DGKI: variants seen among roughly 807,000 people sequenced by gnomAD.
DGKI encodes the protein diacylglycerol kinase iota.
In DGKI, 55 loss-of-function variants were observed where a neutral mutation model predicts 147.5. The observed-to-expected ratio is 0.37, with a 90% CI of 0.30 to 0.47. The LOEUF is 0.47. Ranked by LOEUF, DGKI falls within the 20% of genes least tolerant of loss-of-function variation. The probability of loss-of-function intolerance (pLI) is 1.00; values close to 1 mark genes in which losing one functional copy is unlikely to be tolerated. For synonymous variants in DGKI, 469 were observed against 477.1 expected (o/e 0.98, Z 0.22); for missense variants, 1,007 against 1,323.8 (o/e 0.76, Z 3.71).
chr7:137,675,165 C>CT (rs1453195671), intron 3 of DGKI, among the ~76,000 whole-genome samples: 1 of 152,178 alleles, frequency 6.6e-6, no homozygotes, highest in African/African-American at 2.4e-5. Context: ...CTGGAGATCT[C>CT]TGTGACCTCT....
rs1814537128 is a variant in DGKI, at chr7:137,463,592, G to A, written c.2632C>T (p.Pro878Ser). 8.1e-6 allele frequency: 13 copies of A among 1,614,042 alleles called. No individual in the cohort carries two copies. The highest frequency in any genetic ancestry group is 1.1e-5 in the Non-Finnish European group (13 of 1,180,016). The change falls in exon 27 of 33, where the codon CCT (proline) becomes TCT (serine). Residue 878 changes from proline to serine, a missense_variant. Transcript: ENST00000614521. ...CTCAGCATGCGTTTCCGCAGGGCAG[G>A]ATTCCACCAGTCTGAGATCCTGAGA... ...QASGISDWWN[P>S]ALRKRMLSDS...
intron 1 of DGKI, among the ~76,000 whole-genome samples, chr7:137,819,723 C>A (rs1797842867): frequency 6.6e-6 from 1 of 152,302 alleles, no homozygotes; most frequent in African/African-American, 2.4e-5. Context: ...AAGGTGAGAT[C>A]CAAACTCATT....
intron 21 of DGKI, among the ~76,000 whole-genome samples, chr7:137,499,928 C>A (rs1816110350): frequency 2.0e-5 from 3 of 152,176 alleles, no homozygotes; most frequent in Admixed American, 2.0e-4. Context: ...AGGCAGCCGT[C>A]TGTAAGCAAG....
At chr7:137,767,471 G>GGAAGGGAAGA (rs1554474398) in intron 1 of DGKI, among the ~76,000 whole-genome samples, 5 of 89,616 alleles carry the variant, frequency 5.6e-5, no homozygotes, top group African/African-American at 2.5e-4. Context: ...AGAAGAGAAG[G>GGAAGGGAAGA]GAAGAGAAGA....
chr7:137,717,265 G>A (rs184780530), intron 1 of DGKI, among the ~76,000 whole-genome samples: 1 of 152,140 alleles, frequency 6.6e-6, no homozygotes. Flanking sequence ...TTATTTAGTC[G>A]TGAGAAGAAA....
At chr7:137,720,945 C>T (rs1289737073) in intron 1 of DGKI, among the ~76,000 whole-genome samples, 1 of 152,104 alleles carries the variant, frequency 6.6e-6, no homozygotes, top group Non-Finnish European at 1.5e-5. Context: ...TGTATCTTTC[C>T]AGAACTATGT....
At chr7:137,611,825 A>C (rs1269768887) in intron 8 of DGKI, among the ~76,000 whole-genome samples, 3 of 152,218 alleles carry the variant, frequency 2.0e-5, no homozygotes, top group Non-Finnish European at 4.4e-5. Flanking sequence ...AATAATGAAC[A>C]AATATTCCTA....
intron 1 of DGKI, among the ~76,000 whole-genome samples, chr7:137,720,414 C>T (rs55713668): frequency 0.013 from 2,002 of 151,994 alleles, 32 homozygotes; most frequent in African/African-American, 0.046. Flanking sequence ...CCTGCCATCG[C>T]GCCTGGCTAA....
intron 23 of DGKI, among the ~76,000 whole-genome samples, chr7:137,483,069 A>G (rs1045008856): frequency 4.6e-5 from 7 of 152,104 alleles, no homozygotes; most frequent in Non-Finnish European, 8.8e-5. Context: ...GAAAAATATC[A>G]TTAATCCTTC....
chr7:137,793,190 ACC>A (rs1796913624), intron 1 of DGKI, among the ~76,000 whole-genome samples: 1 of 152,102 alleles, frequency 6.6e-6, no homozygotes, highest in African/African-American at 2.4e-5. Context: ...TCCTGACATT[ACC>A]TTGGTCTCTG....
intron 2 of DGKI, among the ~76,000 whole-genome samples, chr7:137,687,706 T>C (rs1823467470): frequency 6.6e-6 from 1 of 152,212 alleles, no homozygotes; most frequent in African/African-American, 2.4e-5. Context: ...ACAAAGATGT[T>C]GGTTTTTTTC....
chr7:137,506,262 A>T (rs970270865), intron 21 of DGKI, among the ~76,000 whole-genome samples: 3 of 152,214 alleles, frequency 2.0e-5, no homozygotes, highest in Admixed American at 2.0e-4. Flanking sequence ...ACGGAGTATT[A>T]TTCAACAATA....
chr7:137,585,649 TA>T (rs1195341509), intron 13 of DGKI, among the ~76,000 whole-genome samples: 1 of 151,996 alleles, frequency 6.6e-6, no homozygotes, highest in Non-Finnish European at 1.5e-5. Flanking sequence ...GTTATCAGAG[TA>T]AAAAACAGGA....
chr7:137,698,293 T>C (rs1823864414), intron 1 of DGKI, among the ~76,000 whole-genome samples: 1 of 152,158 alleles, frequency 6.6e-6, no homozygotes, highest in Non-Finnish European at 1.5e-5. Context: ...TTTACCCACT[T>C]TCTTTCTGAT....
Position 137,406,599 on chromosome 7 carries a change from T to C in DGKI, c.2920+1276A>G, listed in dbSNP as rs145269601. 7.2e-4 allele frequency among the ~76,000 whole-genome samples: 110 copies of C among 152,262 alleles called. No homozygotes were observed. In the East Asian group the frequency reaches 0.016, roughly 22 times the overall value. On this transcript the variant is annotated intron_variant, in intron 30 of 32. Transcript: ENST00000614521. Reference sequence around the variant, plus strand: ...ACAAAGCAAGGGGTGTCTAACGTGATTGATAGTTTAGTACCTACCTTGCAA... The same window carrying C: ...ACAAAGCAAGGGGTGTCTAACGTGACTGATAGTTTAGTACCTACCTTGCAA...
intron 27 of DGKI, among the ~76,000 whole-genome samples, chr7:137,448,723 G>A (rs1276981863): frequency 6.3e-5 from 7 of 110,442 alleles, no homozygotes; most frequent in African/African-American, 2.3e-4. Flanking sequence ...AGGAGGAAGG[G>A]AGGGAGGAAG....
In DGKI at chr7:137,387,733, T is replaced by C. The variant is rs559550927; in HGVS notation, c.*3487A>G. On this transcript the variant is annotated 3_prime_UTR_variant, in exon 33 of 33. Transcript: ENST00000614521. ...GATGCCTTGACTGTGGATGTGATAC[T>C]CATCTGTGGTATTAAAACATTTTAT... is the stretch of plus-strand genomic sequence containing the variant. The C allele has an allele frequency of 6.6e-6, 1 of 152,256 alleles. No individual in the cohort carries two copies. The highest frequency in any genetic ancestry group is 6.5e-5 in the Admixed American group (1 of 15,278). 9.4% of individuals were successfully genotyped at this position (152,256 alleles called of 1,614,324 possible). A position where few individuals can be genotyped will look rare whatever the true frequency, so the allele number is the denominator to read the frequency against.
Position 137,386,182 on chromosome 7 carries a change from C to T in DGKI, c.*5038G>A, listed in dbSNP as rs1811171477. On this transcript the variant is annotated 3_prime_UTR_variant, in exon 33 of 33. Transcript: ENST00000614521. ...TATTTTTCTGCTTTCTTTCTGGGAC[C>T]TGGTCAGTAAATCTCAGTGTCCTGG... 2 of 152,054 alleles carry T rather than the reference C, an allele frequency of 1.3e-5. No homozygotes were observed. The highest frequency in any genetic ancestry group is 4.8e-5 in the African/African-American group (2 of 41,406). The allele number at this position is 152,054 out of a possible 1,614,324, so 9.4% of individuals were successfully genotyped here. A position where few individuals can be genotyped will look rare whatever the true frequency, so the allele number is the denominator to read the frequency against.
intron 1 of DGKI, among the ~76,000 whole-genome samples, chr7:137,759,403 G>A (rs1014181570): frequency 8.6e-5 from 13 of 151,456 alleles, no homozygotes; most frequent in East Asian, 5.8e-4. Flanking sequence ...GTGCGATGGC[G>A]CGATCTCAGC....
Sources: gnomAD v4.1 joint callset for allele counts (sites outside exome capture counted in the v4.1 genomes callset) on GRCh38, gnomAD v4.1.1 for gene constraint, MANE v1.5 for transcripts, NCBI Gene and HGNC (gene_info 2026-07-23, HGNC 2026-07-21) for gene names.